ISOC1: variants seen among roughly 807,000 people sequenced by gnomAD.
ISOC1 encodes isochorismatase domain-containing protein 1.
A neutral mutation model predicts 30.0 loss-of-function variants in ISOC1; 33 were observed. The ratio of observed to expected loss-of-function variants is 1.10; its 90% confidence interval spans 0.83 to 1.47. ISOC1 has a LOEUF of 1.47. Ranked by LOEUF, ISOC1 falls within the 40% of genes most tolerant of loss-of-function variation. The pLI is 0.00. For synonymous variants in ISOC1, 178 were observed against 159.8 expected, an observed-to-expected ratio of 1.11 and a Z score of -0.86; for missense variants, 372 against 388.0, an observed-to-expected ratio of 0.96 and a Z score of 0.35.
intron 1 of ISOC1, among the ~76,000 whole-genome samples, chr5:129,099,455 T>C (rs1304069792): frequency 6.6e-6 from 1 of 152,232 alleles, no homozygotes; most frequent in African/African-American, 2.4e-5. Context: ...AATAGGTGAA[T>C]ATGTTGTAAA....
rs764795237 is a variant in ISOC1, at chr5:129,113,038, G to A, written c.*37G>A. 1.3e-5 allele frequency: 21 copies of A among 1,577,536 alleles called. No individual in the cohort carries two copies. The African/African-American group carries it at 2.6e-4, about 19-fold the overall frequency. On this transcript the variant is annotated 3_prime_UTR_variant, in exon 5 of 5. Coordinates refer to ENST00000173527, the MANE Select transcript of ISOC1 (RefSeq NM_016048.2). ...AACTGGTATGCTACTCACTGGTGAA[G>A]GACAGTCAGGTGAAGGACTGTAAGC...
Position 129,094,781 on chromosome 5 carries a change from G to A in ISOC1, c.15G>A (p.Glu5=), listed in dbSNP as rs1280723062. Residue 5 remains glutamate, a synonymous_variant, in exon 1 of 5, where the codon GAG becomes GAA. Transcript: ENST00000173527. ...CTCGGGGGAACATGGCGGCTGCGGA[G>A]CCGGCGGTCCTTGCGCTCCCCAACA... MAAA[E]PAVLALPNSG... 4.6e-6 allele frequency: 7 copies of A among 1,506,948 alleles called. No homozygotes were observed. Among genetic ancestry groups the A allele is most frequent in the Non-Finnish European group, 5.3e-6 (6 of 1,133,404 alleles). 93.3% of individuals were successfully genotyped at this position (1,506,948 alleles called of 1,614,324 possible).
chr5:129,112,023 T>C (rs888727973), intron 4 of ISOC1, among the ~76,000 whole-genome samples: 4 of 152,150 alleles, frequency 2.6e-5, no homozygotes, highest in Non-Finnish European at 4.4e-5. Flanking sequence ...AGGGAACTGT[T>C]AATTATAGGA....
chr5:129,109,752 A>AG (rs1226786773), intron 4 of ISOC1, among the ~76,000 whole-genome samples: 2 of 152,086 alleles, frequency 1.3e-5, no homozygotes, highest in Non-Finnish European at 2.9e-5. Flanking sequence ...AAATTTGAGG[A>AG]AGGGGGCAAT....
In ISOC1 at chr5:129,105,270, A is replaced by G; in HGVS notation, c.515A>G (p.Asp172Gly). The stretch of plus-strand genomic sequence containing the variant: ...CTTGGGAGCACGGTTCAAGAAATTG[A>G]TTTAACAGGTGTAAAACTGGTACTT... ...KGLGSTVQEI[D>G]LTGVKLVLPK... Residue 172 changes from aspartate (D) to glycine (G), a missense_variant, in exon 3 of 5, where the codon GAT becomes GGT. By Grantham distance (94) the Asp-to-Gly change is moderately conservative. Transcript: ENST00000173527. 6.2e-7 allele frequency: 1 copy of G among 1,613,916 alleles called. No homozygotes were observed. The highest frequency in any genetic ancestry group is 8.5e-7 in the Non-Finnish European group (1 of 1,179,876).
At chr5:129,104,744 A>G (rs1207941417) in intron 1 of ISOC1, among the ~76,000 whole-genome samples, 1 of 151,160 alleles carries the variant, frequency 6.6e-6, no homozygotes, top group Admixed American at 6.6e-5. Flanking sequence ...TGGCTGGTTC[A>G]TTTCTAATTT....
At chr5:129,109,733 C>G (rs1425318356) in intron 4 of ISOC1, among the ~76,000 whole-genome samples, 1 of 152,102 alleles carries the variant, frequency 6.6e-6, no homozygotes, top group East Asian at 1.9e-4. Flanking sequence ...GGCGATATAC[C>G]TTGTTCCTAA....
chr5:129,099,801 T>G (rs1753548552), intron 1 of ISOC1, among the ~76,000 whole-genome samples: 1 of 152,202 alleles, frequency 6.6e-6, no homozygotes, highest in Non-Finnish European at 1.5e-5. Context: ...CTAATACATT[T>G]ATTGATTGAT....
chr5:129,094,788 G>A lies in ISOC1; in HGVS notation c.22G>A (p.Val8Ile). 2 of 1,520,010 alleles carry A rather than the reference G, an allele frequency of 1.3e-6. No individual in the cohort carries two copies. The highest frequency in any genetic ancestry group is 1.8e-6 in the Non-Finnish European group (2 of 1,139,436). The allele number at this position is 1,520,010 out of a possible 1,614,324, so 94.2% of individuals were successfully genotyped here. ...GAACATGGCGGCTGCGGAGCCGGCG[G>A]TCCTTGCGCTCCCCAACAGCGGCGC... MAAAEPA[V>I]LALPNSGAGG... The change falls in exon 1 of 5, where the codon GTC (valine) becomes ATC (isoleucine). Residue 8 changes from valine (V) to isoleucine (I), a missense_variant. Val to Ile is a conservative substitution (Grantham distance 29). Transcript: ENST00000173527.
At chr5:129,095,096 C>T in intron 1 of ISOC1, 21 bp downstream of exon 1, 1 of 1,524,620 alleles carries the variant, frequency 6.6e-7, no homozygotes, top group Admixed American at 1.9e-5. Context: ...CGGGAGGCCG[C>T]GCGCTTCCCT....
chr5:129,097,393 A>G (rs1295143200), intron 1 of ISOC1, among the ~76,000 whole-genome samples: 1 of 152,134 alleles, frequency 6.6e-6, no homozygotes, highest in Non-Finnish European at 1.5e-5. Flanking sequence ...ATATACACAC[A>G]TACATATATA....
chr5:129,102,877 A>G (rs2150170928), intron 1 of ISOC1, among the ~76,000 whole-genome samples: 1 of 152,370 alleles, frequency 6.6e-6, no homozygotes, highest in South Asian at 2.1e-4. Context: ...TTAGGAATGT[A>G]TACAGAGGTA....
At chr5:129,098,979 G>T (rs569156978) in intron 1 of ISOC1, among the ~76,000 whole-genome samples, 1 of 151,828 alleles carries the variant, frequency 6.6e-6, no homozygotes, top group Non-Finnish European at 1.5e-5. Flanking sequence ...CCTCAGGAGC[G>T]TGGCAGGAAG....
chr5:129,094,962 C>T lies in ISOC1; in HGVS notation c.196C>T (p.Arg66Cys), dbSNP rs372744448. ...GTACGGCGACCAGATCGACATGCAC[C>T]GCAAATTCGTGGTGCAGCTGTTCGC... Reference protein sequence around the residue: ...SLYGDQIDMHRKFVVQLFAEE... With the variant: ...SLYGDQIDMHCKFVVQLFAEE... The change falls in exon 1 of 5, where the codon CGC becomes TGC. Residue 66 changes from arginine (R) to cysteine (C), a missense_variant. By Grantham distance (180) the Arg-to-Cys change is radical (BLOSUM62 -3). Coordinates refer to ENST00000173527, the MANE Select transcript of ISOC1 (RefSeq NM_016048.2). 6 of 1,612,156 alleles carry T rather than the reference C, an allele frequency of 3.7e-6. No individual in the cohort carries two copies. The highest frequency in any genetic ancestry group is 5.1e-6 in the Non-Finnish European group (6 of 1,179,824).
At chr5:129,111,736 C>G (rs1753711928) in intron 4 of ISOC1, among the ~76,000 whole-genome samples, 2 of 152,166 alleles carry the variant, frequency 1.3e-5, no homozygotes, top group Non-Finnish European at 2.9e-5. Context: ...ACTTTCTGTT[C>G]TTTGCTCTCT....
chr5:129,107,060 G>A lies in ISOC1; in HGVS notation c.748G>A (p.Glu250Lys), dbSNP rs1209687600. 3 of 1,609,896 alleles carry A rather than the reference G, an allele frequency of 1.9e-6. No homozygotes were observed. The highest frequency in any genetic ancestry group is 1.1e-5 in the South Asian group (1 of 90,998). The change falls in exon 4 of 5, where the codon GAG becomes AAG. Residue 250 changes from glutamate to lysine, a missense_variant and splice_region_variant. Glu to Lys is a moderately conservative substitution (Grantham distance 56). Coordinates refer to ENST00000173527, the MANE Select transcript of ISOC1 (RefSeq NM_016048.2). ...RSMMDRMFALERLARTGIIVT... is the reference protein window; with the variant it reads ...RSMMDRMFALKRLARTGIIVT... ...CATGATGGACAGGATGTTTGCCCTC[G>A]AGGTAATTGTCCTGCTTGGGAATAG...
chr5:129,113,095 T>A lies in ISOC1; in HGVS notation c.*94T>A. The A allele has an allele frequency of 8.2e-7, 1 of 1,221,500 alleles. No homozygotes were observed. Among genetic ancestry groups the A allele is most frequent in the Non-Finnish European group, 1.1e-6 (1 of 899,278 alleles). The allele number at this position is 1,221,500 out of a possible 1,614,324, so 75.7% of individuals were successfully genotyped here. ...AAGCTCTTCTTATCTCTACTAGAAT[T>A]AAAATGTTAAGTCAAAAACGGCTCC... On this transcript the variant is annotated 3_prime_UTR_variant, in exon 5 of 5. Transcript: ENST00000173527.
chr5:129,099,738 ATATGC>A (rs2150170368), intron 1 of ISOC1, among the ~76,000 whole-genome samples: 1 of 152,336 alleles, frequency 6.6e-6, no homozygotes, highest in Non-Finnish European at 1.5e-5. Flanking sequence ...GTTTTTTAAC[ATATGC>A]TAAGTTTTAG....
At chr5:129,099,029 G>C (rs1389427626) in intron 1 of ISOC1, among the ~76,000 whole-genome samples, 2 of 152,034 alleles carry the variant, frequency 1.3e-5, no homozygotes, top group African/African-American at 2.4e-5. Flanking sequence ...GAGACAGCTG[G>C]ATCCTGAGGT....
Sources: gnomAD v4.1 joint callset for allele counts (sites outside exome capture counted in the v4.1 genomes callset) on GRCh38, gnomAD v4.1.1 for gene constraint, MANE v1.5 for transcripts, NCBI Gene and HGNC (gene_info 2026-07-23, HGNC 2026-07-21) for gene names.